Variants in BAIAP3 observed in about 807,000 individuals in gnomAD.
BAIAP3 encodes the protein BAI1 associated protein 3.
A neutral mutation model predicts 149.7 loss-of-function variants in BAIAP3; 180 were observed. That is an observed-to-expected ratio of 1.20 (90% CI 1.07 to 1.36). The LOEUF (loss-of-function observed/expected upper bound fraction) is 1.36, where lower values mean the gene tolerates loss of function less well. Ranked by LOEUF, BAIAP3 falls within the 40% of genes most tolerant of loss-of-function variation. The pLI is 0.00. For missense variants in BAIAP3, 1,767 were observed against 1,563.4 expected, an observed-to-expected ratio of 1.13 and a Z score of -2.20; for synonymous variants, 845 against 670.7, an observed-to-expected ratio of 1.26 and a Z score of -4.02.
intron 18 of BAIAP3, 30 bp downstream of exon 18, chr16:1,344,555 G>T: frequency 6.2e-7 from 1 of 1,612,536 alleles, no homozygotes; most frequent in Non-Finnish European, 8.5e-7. Flanking sequence ...TGGCCATGAG[G>T]GGTACGGGCA....
At chr16:1,341,950 C>A in intron 9 of BAIAP3, 36 bp from the exon 10 acceptor site, 2 of 1,582,444 alleles carry the variant, frequency 1.3e-6, no homozygotes, top group Non-Finnish European at 1.7e-6. Flanking sequence ...CGGCTGCGGG[C>A]TCCAGACAAG....
At chr16:1,334,608 C>T in intron 1 of BAIAP3, 1 of 1,512,052 alleles carries the variant, frequency 6.6e-7, no homozygotes, top group Non-Finnish European at 9.0e-7. Context: ...CTTCGGGGAG[C>T]CCAAGGCCAC....
intron 5 of BAIAP3, among the ~76,000 whole-genome samples, chr16:1,340,194 C>T (rs1355426064): frequency 4.7e-5 from 6 of 128,052 alleles, no homozygotes; most frequent in African/African-American, 1.9e-4. Context: ...CACAGACACA[C>T]GCACACAGGC....
At chr16:1,334,704 G>T in intron 1 of BAIAP3, 1 of 1,556,582 alleles carries the variant, frequency 6.4e-7, no homozygotes, top group South Asian at 1.2e-5. Flanking sequence ...CCCGCCAGGT[G>T]ACCTGCACCT....
chr16:1,336,669 G>A (rs1403360909), intron 1 of BAIAP3, among the ~76,000 whole-genome samples: 1 of 152,230 alleles, frequency 6.6e-6, no homozygotes, highest in East Asian at 1.9e-4. Context: ...CTGGCATGGT[G>A]TGCTCAGGCC....
Position 1,348,145 on chromosome 16 carries a change from A to G in BAIAP3, c.3199A>G (p.Thr1067Ala). The change falls in exon 33 of 34, where the codon ACC (threonine) becomes GCC (alanine). Residue 1067 changes from threonine (T) to alanine (A), a missense_variant. By Grantham distance (58) the Thr-to-Ala change is moderately conservative. Coordinates refer to ENST00000426824, the MANE Select transcript of BAIAP3 (RefSeq NM_001199097.2). ...CCGCCGCGCGGCCTGTGTGTTGTTC[A>G]CCGTCATGGACCACGACTGGCTGTC... is the stretch of plus-strand genomic sequence containing the variant. ...CRRRAACVLFTVMDHDWLSTN... is the reference protein window; with the variant it reads ...CRRRAACVLFAVMDHDWLSTN... The G allele has an allele frequency of 6.2e-7, 1 of 1,607,452 alleles. No individual in the cohort carries two copies. The highest frequency in any genetic ancestry group is 2.2e-5 in the East Asian group (1 of 44,870).
At chr16:1,339,284 C>T (rs367845210) in intron 4 of BAIAP3, 40 bp downstream of exon 4, 12 of 1,544,446 alleles carry the variant, frequency 7.8e-6, no homozygotes, top group African/African-American at 2.7e-5. Context: ...TCGTCTGCAG[C>T]GGCTGCTCCC....
chr16:1,334,524 A>G, intron 1 of BAIAP3: 1 of 710,966 alleles, frequency 1.4e-6, no homozygotes. Context: ...GAGGGGAGGA[A>G]GAAGGCGCCT....
At position 1,344,703 on chromosome 16, in the gene BAIAP3, G is replaced by T; in HGVS notation, c.1757+5G>T. The T allele has an allele frequency of 6.2e-7, 1 of 1,613,420 alleles. No homozygotes were observed. Among genetic ancestry groups the T allele is most frequent in the South Asian group, 1.1e-5 (1 of 91,074 alleles). On this transcript the variant is annotated splice_donor_5th_base_variant and intron_variant, in intron 19 of 33. Coordinates refer to ENST00000426824, the MANE Select transcript of BAIAP3 (RefSeq NM_001199097.2). ...GTACGCCAGCCTCTTCCACAGGTGG[G>T]CCTGGCCCCTCAGTGCTGTCCTGGG...
In BAIAP3 at chr16:1,342,293, T is replaced by C. The variant is rs2033979157; in HGVS notation, c.957+10T>C. 2 of 1,609,508 alleles carry C rather than the reference T, an allele frequency of 1.2e-6. No individual in the cohort carries two copies. The highest frequency in any genetic ancestry group is 4.5e-5 in the East Asian group (2 of 44,778). ...CAACATACCTGTCCGGGTGAGTGGG[T>C]GTGGGGTGGGGCTGGTGACACTTAG... On this transcript the variant is annotated intron_variant, in intron 11 of 33. Coordinates refer to ENST00000426824, the MANE Select transcript of BAIAP3 (RefSeq NM_001199097.2).
At chr16:1,342,425 G>GA (rs1157901162) in intron 11 of BAIAP3, 102 bp from the exon 12 acceptor site, 1 of 1,379,776 alleles carries the variant, frequency 7.2e-7, no homozygotes, top group Non-Finnish European at 9.9e-7. Context: ...ATTCCCCGGA[G>GA]AAGGGAAGCC....
chr16:1,339,459 G>A (rs751271391), intron 4 of BAIAP3, 37 bp from the exon 5 acceptor site: 2 of 1,578,608 alleles, frequency 1.3e-6, no homozygotes, highest in South Asian at 1.1e-5. Flanking sequence ...TGGGGGCCTG[G>A]GACGCGGCAC....
At chr16:1,343,321 G>A in intron 14 of BAIAP3, 72 bp from the exon 15 acceptor site, 2 of 1,538,634 alleles carry the variant, frequency 1.3e-6, no homozygotes, top group Non-Finnish European at 1.8e-6. Context: ...AAGGGGTAGT[G>A]CTGTAGGCGG....
chr16:1,335,462 C>CGG (rs373898973), intron 1 of BAIAP3, among the ~76,000 whole-genome samples: 3 of 151,948 alleles, frequency 2.0e-5, no homozygotes, highest in African/African-American at 4.8e-5. Flanking sequence ...ACGGGAAAGA[C>CGG]GGGGGGTCCC....
chr16:1,347,857 G>C, intron 31 of BAIAP3, 36 bp downstream of exon 31: 2 of 1,601,552 alleles, frequency 1.2e-6, no homozygotes, highest in African/African-American at 2.7e-5. Flanking sequence ...GTGGTGGTGG[G>C]ATGGGGGCAG....
intron 2 of BAIAP3, 46 bp from the exon 3 acceptor site, chr16:1,338,856 G>T: frequency 6.2e-7 from 1 of 1,609,236 alleles, no homozygotes; most frequent in Non-Finnish European, 8.5e-7. Flanking sequence ...TCCCAGGCAG[G>T]GGCCAGCGTG....
Position 1,345,878 on chromosome 16 carries a change from C to T in BAIAP3, c.2196C>T (p.Thr732=), listed in dbSNP as rs1369213121. ...CTGCCCAGGCTCAGGGGCTGGGCAC[C>T]CAGCTTGGCCAGGTGTGTGGGTGGG... ...PDPAQAQGLG[T]QLGQDVCEAT... The change falls in exon 23 of 34, where the codon ACC becomes ACT. Residue 732 remains threonine, a synonymous_variant. Transcript: ENST00000426824. The T allele has an allele frequency of 1.3e-6, 2 of 1,576,580 alleles. No individual in the cohort carries two copies. Among genetic ancestry groups the T allele is most frequent in the Non-Finnish European group, 1.7e-6 (2 of 1,162,302 alleles).
chr16:1,345,919 G>A lies in BAIAP3; in HGVS notation c.2208+29G>A, dbSNP rs773916965. On this transcript the variant is annotated intron_variant, in intron 23 of 33. Transcript: ENST00000426824. ...TGTGGGTGGGCCCTGGGGGTGAGGGGAACGGGTGGGAGAGGAGATGGGGCA... is the reference window on the plus strand; with the variant it reads ...TGTGGGTGGGCCCTGGGGGTGAGGGAAACGGGTGGGAGAGGAGATGGGGCA... 47 of 1,577,368 alleles carry A rather than the reference G, an allele frequency of 3.0e-5. 1 individual carries two copies. In the South Asian group the frequency reaches 5.3e-4, roughly 18 times the overall value.
chr16:1,347,163 C>A, intron 28 of BAIAP3, 135 bp from the exon 29 acceptor site: 1 of 1,011,356 alleles, frequency 9.9e-7, no homozygotes, highest in Non-Finnish European at 1.4e-6. Flanking sequence ...CGATGCCCGC[C>A]AGGGTGTGAG....
Sources: allele counts gnomAD v4.1 joint callset (sites outside exome capture counted in the v4.1 genomes callset), GRCh38; gene constraint gnomAD v4.1.1; transcripts MANE v1.5; gene names NCBI Gene and HGNC (gene_info 2026-07-23, HGNC 2026-07-21).